Variants in ZPBP observed in about 807,000 individuals in gnomAD.
The protein encoded by ZPBP is zona pellucida binding protein.
ZPBP carries 26 observed loss-of-function variants against 44.8 expected under a neutral mutation model. The observed-to-expected ratio is 0.58, with a 90% CI of 0.43 to 0.81. ZPBP has a LOEUF of 0.81. Ranked by LOEUF, ZPBP falls within the 30% of genes least tolerant of loss-of-function variation. The pLI, the probability that ZPBP is intolerant of heterozygous loss-of-function variation, is 0.00. For missense variants in ZPBP, 409 were observed against 434.0 expected (o/e 0.94, Z 0.51); for synonymous variants, 174 against 153.2 (o/e 1.14, Z -1.00).
chr7:49,873,308 C>G (rs1055901263), intron 2 of ZPBP, among the ~76,000 whole-genome samples: 1 of 152,156 alleles, frequency 6.6e-6, no homozygotes, highest in East Asian at 1.9e-4. Flanking sequence ...GGGCCTGCTT[C>G]CTGGTTCATG....
chr7:49,928,351 C>T (rs969093146), intron 1 of ZPBP, among the ~76,000 whole-genome samples: 24 of 152,188 alleles, frequency 1.6e-4, no homozygotes, highest in African/African-American at 5.3e-4. Flanking sequence ...TCCTTCTATG[C>T]CTCTGATCAG....
intron 2 of ZPBP, among the ~76,000 whole-genome samples, chr7:49,875,055 A>G (rs1791339463): frequency 6.6e-6 from 1 of 152,148 alleles, no homozygotes; most frequent in African/African-American, 2.4e-5. Flanking sequence ...CTGTGAAAAA[A>G]AAAAGAGCTT....
intron 4 of ZPBP, among the ~76,000 whole-genome samples, chr7:50,051,409 T>C (rs1458053659): frequency 6.6e-6 from 1 of 152,150 alleles, no homozygotes; most frequent in Non-Finnish European, 1.5e-5. Context: ...GAAATGCCAT[T>C]TCACCCAGCA....
intron 7 of ZPBP, among the ~76,000 whole-genome samples, chr7:49,958,434 G>A (rs568807270): frequency 1.3e-5 from 2 of 152,312 alleles, no homozygotes; most frequent in East Asian, 3.9e-4. Context: ...AGGAGGTGGG[G>A]CCTAATGGGA....
At chr7:50,067,900 G>C (rs929245226) in intron 3 of ZPBP, among the ~76,000 whole-genome samples, 1 of 152,222 alleles carries the variant, frequency 6.6e-6, no homozygotes. Context: ...GGTGTGGTCA[G>C]AGCAGGGCAG....
Position 49,937,597 on chromosome 7 carries a change from G to C in ZPBP, c.987C>G (p.Asn329Lys), listed in dbSNP as rs200130406. The change falls in exon 8 of 8, where the codon AAC (asparagine) becomes AAG (lysine). Residue 329 changes from asparagine to lysine, a missense_variant. By Grantham distance (94) the Asn-to-Lys change is moderately conservative. Transcript: ENST00000046087. ...CCVICSPGSYNPRDGIHCLQC... is the reference protein window; with the variant it reads ...CCVICSPGSYKPRDGIHCLQC... Reference sequence around the variant, plus strand: ...GAAGGCAATGAATTCCATCACGGGGGTTATATGATCCAGGGCTGCAGATCA... The same window carrying C: ...GAAGGCAATGAATTCCATCACGGGGCTTATATGATCCAGGGCTGCAGATCA... 11 of 1,613,806 alleles carry C rather than the reference G, an allele frequency of 6.8e-6. No homozygotes were observed. The East Asian group carries it at 1.6e-4, about 23-fold the overall frequency.
chr7:49,993,538 T>C (rs940877972), intron 6 of ZPBP, among the ~76,000 whole-genome samples: 9 of 152,208 alleles, frequency 5.9e-5, no homozygotes, highest in Non-Finnish European at 1.0e-4. Context: ...TTTTTCTCTA[T>C]ATTAAAAACA....
At chr7:50,063,994 G>A (rs117177000) in intron 3 of ZPBP, among the ~76,000 whole-genome samples, 10 of 152,236 alleles carry the variant, frequency 6.6e-5, no homozygotes, top group Non-Finnish European at 1.3e-4. Context: ...TTTTCAGGAG[G>A]CCATTCATTA....
At chr7:49,926,710 A>T (rs932986199) in intron 1 of ZPBP, among the ~76,000 whole-genome samples, 6 of 152,226 alleles carry the variant, frequency 3.9e-5, no homozygotes, top group African/African-American at 1.2e-4. Flanking sequence ...CAAAAATAGG[A>T]TTAGACATGT....
rs1244640028 is a variant in ZPBP, at chr7:49,981,659, A to AT, written c.961+1682_961+1683insA. ...ATATATTATATAATATCTTGATATA[A>AT]AATATATATTATATATTATATATAA... On this transcript the variant is annotated intron_variant, in intron 7 of 7. Transcript: ENST00000046087. Among the ~76,000 whole-genome samples, 17 of 70,472 alleles carry AT rather than the reference A, an allele frequency of 2.4e-4. 6 individuals are homozygous for AT. In the East Asian group the frequency reaches 3.6e-3, roughly 15 times the overall value. The allele number at this position is 70,472 out of a possible 152,430, so 46.2% of individuals were successfully genotyped here.
chr7:49,980,128 T>TTA (rs1467827208), intron 7 of ZPBP, among the ~76,000 whole-genome samples: 2 of 108,524 alleles, frequency 1.8e-5, no homozygotes, highest in Non-Finnish European at 3.4e-5. Context: ...TATATTATAA[T>TTA]TATATATTAT....
At chr7:50,083,579 A>G (rs1802479366) in intron 2 of ZPBP, among the ~76,000 whole-genome samples, 1 of 151,982 alleles carries the variant, frequency 6.6e-6, no homozygotes, top group South Asian at 2.1e-4. Flanking sequence ...AAGAGGAGGG[A>G]CTAGCAATAA....
chr7:49,949,027 T>C (rs1270236599), intron 7 of ZPBP, among the ~76,000 whole-genome samples: 2 of 152,040 alleles, frequency 1.3e-5, no homozygotes, highest in Admixed American at 6.6e-5. Flanking sequence ...AATGAGGTAA[T>C]AAAGGCAGGG....
At chr7:49,843,936 G>A in the ZPBP span, among the ~76,000 whole-genome samples, 2 of 152,156 alleles carry the variant, frequency 1.3e-5, no homozygotes, top group Non-Finnish European at 2.9e-5. Flanking sequence ...ATGAAGAAAA[G>A]GTGACAGTTA....
At chr7:49,899,518 A>T (rs1271884220) in intron 2 of ZPBP, among the ~76,000 whole-genome samples, 1 of 152,052 alleles carries the variant, frequency 6.6e-6, no homozygotes, top group East Asian at 1.9e-4. Context: ...ATAAAGGATA[A>T]GTAGCTATAT....
At chr7:49,917,953 T>C (rs917798587) in intron 1 of ZPBP, 7 of 152,150 alleles carry the variant, frequency 4.6e-5, no homozygotes, top group Non-Finnish European at 7.4e-5. Flanking sequence ...CCTAAGCATA[T>C]AATTCTTATA....
chr7:49,987,340 T>A (rs941102704), intron 6 of ZPBP, among the ~76,000 whole-genome samples: 2 of 152,196 alleles, frequency 1.3e-5, no homozygotes, highest in Non-Finnish European at 2.9e-5. Flanking sequence ...GAAAAAGATT[T>A]TTTTCTCAGT....
chr7:50,077,470 G>A (rs1442956981), intron 3 of ZPBP, among the ~76,000 whole-genome samples: 3 of 151,686 alleles, frequency 2.0e-5, no homozygotes, highest in African/African-American at 4.8e-5. Flanking sequence ...TCCACAAAAT[G>A]GGAGAAAATA....
chr7:49,858,870 T>C (rs2128719381), intron 2 of ZPBP, among the ~76,000 whole-genome samples: 1 of 152,366 alleles, frequency 6.6e-6, no homozygotes, highest in Admixed American at 6.5e-5. Flanking sequence ...TTTAAAAACT[T>C]ACCTTGTTTC....
Sources: gnomAD v4.1 joint callset for allele counts (sites outside exome capture counted in the v4.1 genomes callset) on GRCh38, gnomAD v4.1.1 for gene constraint, MANE v1.5 for transcripts, NCBI Gene and HGNC (gene_info 2026-07-23, HGNC 2026-07-21) for gene names.